The following ASB17 variants were observed in gnomAD, a reference collection of about 807,000 sequenced individuals.
ASB17 encodes the protein ankyrin repeat and SOCS box protein 17.
In ASB17, 26 loss-of-function variants were observed where a neutral mutation model predicts 25.7. The ratio of observed to expected loss-of-function variants is 1.01; its 90% CI spans 0.74 to 1.40. The LOEUF is 1.40. Ranked by LOEUF, ASB17 falls within the 40% of genes most tolerant of loss-of-function variation. The probability of loss-of-function intolerance (pLI) is 0.00; values close to 1 mark genes in which losing one functional copy is unlikely to be tolerated. For synonymous variants in ASB17, 128 were observed against 121.4 expected (o/e 1.05, Z -0.36); for missense variants, 326 against 338.5 (o/e 0.96, Z 0.29).
At chr1:75,926,068 A>G (rs888902287) in intron 1 of ASB17, among the ~76,000 whole-genome samples, 3 of 152,196 alleles carry the variant, frequency 2.0e-5, no homozygotes, top group Admixed American at 1.3e-4. Context: ...ATTTATGACC[A>G]TAACTTCAAT....
chr1:75,923,478 C>T (rs1459635078), intron 1 of ASB17, among the ~76,000 whole-genome samples: 1 of 151,950 alleles, frequency 6.6e-6, no homozygotes, highest in Non-Finnish European at 1.5e-5. Context: ...GTTGTGGTGT[C>T]CTTGACCACA....
In ASB17 at chr1:75,922,233, T is replaced by C. The variant is rs746821649; in HGVS notation, c.528A>G (p.Lys176=). The C allele has an allele frequency of 6.2e-7, 1 of 1,613,696 alleles. No individual in the cohort carries two copies. Among genetic ancestry groups the C allele is most frequent in the Non-Finnish European group, 8.5e-7 (1 of 1,179,718 alleles). The change falls in exon 2 of 3, where the codon AAA becomes AAG. Residue 176 remains lysine, a synonymous_variant. Coordinates refer to ENST00000284142, the MANE Select transcript of ASB17 (RefSeq NM_080868.3). ...LLQYGILERE[K]NPINIVLTIV... Reference sequence around the variant, plus strand: ...TTGTTAAGACAATGTTGATAGGGTTTTTTTCTCTTTCTAAGATTCCATATT... The same window carrying C: ...TTGTTAAGACAATGTTGATAGGGTTCTTTTCTCTTTCTAAGATTCCATATT...
In ASB17 at chr1:75,919,139, C is replaced by A; in HGVS notation, c.701G>T (p.Arg234Ile). Residue 234 changes from arginine to isoleucine, a missense_variant, in exon 3 of 3, where the codon AGA (arginine) becomes ATA (isoleucine). Transcript: ENST00000284142. ...AAACCAATTTGAAATAATTGGATGT[C>A]TTCCTAAACTCAGCTGTGTCTGAAG... ...KEIKTQLSLG[R>I]HPIISNWFDY... 6.2e-7 allele frequency: 1 copy of A among 1,611,680 alleles called. No homozygotes were observed. The highest frequency in any genetic ancestry group is 8.5e-7 in the Non-Finnish European group (1 of 1,179,008).
Position 75,932,033 on chromosome 1 carries a change from G to T in ASB17, c.259C>A (p.Leu87Ile). The change falls in exon 1 of 3, where the codon CTC becomes ATC. Residue 87 changes from leucine (L) to isoleucine (I), a missense_variant. Leu to Ile is a conservative substitution (Grantham distance 5, BLOSUM62 2). Coordinates refer to ENST00000284142, the MANE Select transcript of ASB17 (RefSeq NM_080868.3). The stretch of plus-strand genomic sequence containing the variant: ...TTCACACATATTTCAGTGAAGTCGA[G>T]GTTAAAACTTACTTCAAAACGGTAT... ...SGYRFEVSFN[L>I]DFTEICVNTI... 2 of 1,614,064 alleles carry T rather than the reference G, an allele frequency of 1.2e-6. No individual in the cohort carries two copies. The highest frequency in any genetic ancestry group is 1.7e-6 in the Non-Finnish European group (2 of 1,179,988).
chr1:75,922,707 T>C (rs1356461769), intron 1 of ASB17, among the ~76,000 whole-genome samples: 1 of 151,910 alleles, frequency 6.6e-6, no homozygotes, highest in Non-Finnish European at 1.5e-5. Context: ...TGTTGGTCAG[T>C]CTAGTCTCAA....
intron 2 of ASB17, among the ~76,000 whole-genome samples, chr1:75,920,549 A>G (rs185464310): frequency 1.4e-3 from 216 of 152,348 alleles, no homozygotes; most frequent in African/African-American, 5.1e-3. Flanking sequence ...ACAATAAAAT[A>G]TATGTGCTGC....
intron 1 of ASB17, among the ~76,000 whole-genome samples, chr1:75,928,338 T>G (rs2100614627): frequency 6.6e-6 from 1 of 152,346 alleles, no homozygotes; most frequent in Admixed American, 6.5e-5. Context: ...TAAAAAATGC[T>G]TAATATTTAT....
At chr1:75,924,637 GA>G (rs1653120454) in intron 1 of ASB17, among the ~76,000 whole-genome samples, 1 of 152,014 alleles carries the variant, frequency 6.6e-6, no homozygotes, top group African/African-American at 2.4e-5. Flanking sequence ...ATCATCTCCA[GA>G]CCAATAATGT....
chr1:75,922,064 A>C lies in ASB17; in HGVS notation c.681+16T>G, dbSNP rs905377774. 1.9e-6 allele frequency: 3 copies of C among 1,573,248 alleles called. No homozygotes were observed. Among genetic ancestry groups the C allele is most frequent in the Non-Finnish European group, 2.6e-6 (3 of 1,157,756 alleles). On this transcript the variant is annotated intron_variant, in intron 2 of 2. Coordinates refer to ENST00000284142, the MANE Select transcript of ASB17 (RefSeq NM_080868.3). ...ACTAATATTTGAGCCCATTTTTTTT[A>C]AAGTAGTTTTCTTACCTTTATTTCC...
rs755119576 is a variant in ASB17 at position 75,931,872 on chromosome 1, A to G, written c.401+19T>C. The G allele has an allele frequency of 1.3e-6, 2 of 1,544,350 alleles. No individual in the cohort carries two copies. The highest frequency in any genetic ancestry group is 1.7e-6 in the Non-Finnish European group (2 of 1,150,390). On this transcript the variant is annotated intron_variant, in intron 1 of 2. Coordinates refer to ENST00000284142, the MANE Select transcript of ASB17 (RefSeq NM_080868.3). Reference sequence around the variant, plus strand: ...GATAAATTTTCTTGTTCTATAGTGAAAACATATGAAATTATTACCTCCATA... The same window carrying G: ...GATAAATTTTCTTGTTCTATAGTGAGAACATATGAAATTATTACCTCCATA...
Position 75,919,031 on chromosome 1 carries a change from G to C in ASB17, c.809C>G (p.Thr270Ser). ...CRLTIRNQLL[T>S]NNMLPDGIFS... Reference sequence around the variant, plus strand: ...TATTCCATCTGGGAGCATATTGTTGGTTAATAGTTGATTCCTGATGGTTAG... The same window carrying C: ...TATTCCATCTGGGAGCATATTGTTGCTTAATAGTTGATTCCTGATGGTTAG... The change falls in exon 3 of 3, where the codon ACC becomes AGC. Residue 270 changes from threonine (T) to serine (S), a missense_variant. Coordinates refer to ENST00000284142, the MANE Select transcript of ASB17 (RefSeq NM_080868.3). 6.2e-7 allele frequency: 1 copy of C among 1,612,498 alleles called. No individual in the cohort carries two copies.
At chr1:75,919,857 G>A (rs898687633) in intron 2 of ASB17, among the ~76,000 whole-genome samples, 2 of 152,180 alleles carry the variant, frequency 1.3e-5, no homozygotes, top group African/African-American at 4.8e-5. Flanking sequence ...ATGTGTGCAT[G>A]TGTCTTTATA....
At chr1:75,928,053 A>C (rs938491222) in intron 1 of ASB17, among the ~76,000 whole-genome samples, 4 of 152,176 alleles carry the variant, frequency 2.6e-5, no homozygotes, top group Non-Finnish European at 5.9e-5. Context: ...TCTTCAAGGG[A>C]AAGAAAGAAG....
At position 75,919,138 on chromosome 1, in the gene ASB17, T is replaced by G. The variant is rs775520217; in HGVS notation, c.702A>C (p.Arg234Ser). The G allele has an allele frequency of 1.9e-6, 3 of 1,612,124 alleles. No individual in the cohort carries two copies. The highest frequency in any genetic ancestry group is 2.2e-5 in the South Asian group (2 of 90,976). The change falls in exon 3 of 3, where the codon AGA becomes AGC. Residue 234 changes from arginine to serine, a missense_variant. Transcript: ENST00000284142. ...CAAACCAATTTGAAATAATTGGATG[T>G]CTTCCTAAACTCAGCTGTGTCTGAA... ...KEIKTQLSLG[R>S]HPIISNWFDY... is the part of the protein sequence containing the mutation.
At chr1:75,919,226 CTT>C (rs920347781) in intron 2 of ASB17, 68 bp from the exon 3 acceptor site, 3 of 1,057,040 alleles carry the variant, frequency 2.8e-6, no homozygotes, top group African/African-American at 1.6e-5. Flanking sequence ...ATTATTAAAA[CTT>C]ATTTTTAATT....
rs201336358 is a variant in ASB17 at position 75,918,974 on chromosome 1, T to A, written c.866A>T (p.Asn289Ile). Residue 289 changes from asparagine to isoleucine, a missense_variant, in exon 3 of 3, where the codon AAC becomes ATC. Transcript: ENST00000284142. ...ATGTTAGATTTCTAAATTCAGATAG[T>A]TTTGTAGACGAGCAGGAATTAGAAG... is the stretch of plus-strand genomic sequence containing the variant. ...FSLLIPARLQNYLNLEI is the reference protein window; with the variant it reads ...FSLLIPARLQIYLNLEI 1.2e-4 allele frequency: 191 copies of A among 1,612,160 alleles called. 2 individuals are homozygous for A. The East Asian group carries it at 3.8e-3, about 32-fold the overall frequency.
At chr1:75,920,194 C>T (rs1571011706) in intron 2 of ASB17, among the ~76,000 whole-genome samples, 1 of 152,188 alleles carries the variant, frequency 6.6e-6, no homozygotes, top group African/African-American at 2.4e-5. Context: ...AGGCCTGACA[C>T]AGGCCTGTCC....
chr1:75,925,860 A>G (rs1653159847), intron 1 of ASB17, among the ~76,000 whole-genome samples: 1 of 152,246 alleles, frequency 6.6e-6, no homozygotes, highest in African/African-American at 2.4e-5. Context: ...TACATGTGTG[A>G]TATTTCACAC....
chr1:75,931,794 A>G, intron 1 of ASB17, 97 bp downstream of exon 1: 1 of 1,103,888 alleles, frequency 9.1e-7, no homozygotes, highest in African/African-American at 1.6e-5. Context: ...TACTTCACAT[A>G]TAGCCACTAT....
Sources: gnomAD v4.1 joint callset for allele counts (sites outside exome capture counted in the v4.1 genomes callset) on GRCh38, gnomAD v4.1.1 for gene constraint, MANE v1.5 for transcripts, NCBI Gene and HGNC (gene_info 2026-07-23, HGNC 2026-07-21) for gene names.